Variants in NLRP9 observed in about 807,000 individuals in gnomAD.
NLRP9 encodes NACHT, LRR and PYD domains-containing protein 9.
NLRP9 carries 88 observed loss-of-function variants against 83.1 expected under a neutral mutation model. That is an observed-to-expected ratio of 1.06 (90% confidence interval 0.89 to 1.26). The LOEUF (loss-of-function observed/expected upper bound fraction) is 1.26, where lower values mean the gene tolerates loss of function less well. NLRP9 is among the 50% of genes most tolerant of loss of function. The probability of loss-of-function intolerance (pLI) is 0.00; values close to 1 mark genes in which losing one functional copy is unlikely to be tolerated. For synonymous variants in NLRP9, 521 were observed against 447.6 expected, an observed-to-expected ratio of 1.16 and a Z score of -2.07; for missense variants, 1,308 against 1,179.3, an observed-to-expected ratio of 1.11 and a Z score of -1.60.
chr19:55,728,780 G>A (rs540898340), intron 3 of NLRP9, among the ~76,000 whole-genome samples: 2 of 152,242 alleles, frequency 1.3e-5, no homozygotes, highest in African/African-American at 4.8e-5. Flanking sequence ...CAAGTCTTCC[G>A]TGATGACATG....
intron 3 of NLRP9, among the ~76,000 whole-genome samples, chr19:55,725,847 T>A (rs2122315514): frequency 6.6e-6 from 1 of 152,002 alleles, no homozygotes; most frequent in African/African-American, 2.4e-5. Context: ...GGCAACATGA[T>A]GAAACCCCAT....
chr19:55,730,098 C>T (rs567390642), intron 2 of NLRP9, 106 bp from the exon 3 acceptor site: 116 of 1,021,756 alleles, frequency 1.1e-4, no homozygotes, highest in Middle Eastern at 1.1e-3. Context: ...CTGACAGACA[C>T]CCAGGCCTGA....
rs1449314830 is a variant in NLRP9, at chr19:55,708,992, C to G, written c.2896G>C (p.Glu966Gln). ...EETQKILMSVEEKIPHLTISH... is the reference protein window; with the variant it reads ...EETQKILMSVQEKIPHLTISH... The stretch of plus-strand genomic sequence containing the variant: ...ATGGTCAGATGGGGAATTTTTTCTT[C>G]CACAGACATCAGGATCTTCTGAGTT... The change falls in exon 9 of 9, where the codon GAA becomes CAA. Residue 966 changes from glutamate (E) to glutamine (Q), a missense_variant. Transcript: ENST00000332836. The G allele has an allele frequency of 6.3e-7, 1 of 1,594,582 alleles. No individual in the cohort carries two copies. Among genetic ancestry groups the G allele is most frequent in the Non-Finnish European group, 8.5e-7 (1 of 1,172,676 alleles).
At chr19:55,727,121 G>T (rs2122317999) in intron 3 of NLRP9, among the ~76,000 whole-genome samples, 1 of 152,218 alleles carries the variant, frequency 6.6e-6, no homozygotes, top group South Asian at 2.1e-4. Context: ...GTGTGGTGGG[G>T]GGCACCTGTA....
chr19:55,718,088 G>A (rs893426030), intron 4 of NLRP9, among the ~76,000 whole-genome samples: 1 of 152,216 alleles, frequency 6.6e-6, no homozygotes, highest in African/African-American at 2.4e-5. Context: ...TTAGGGCTGT[G>A]CAGCATGTGC....
Position 55,733,141 on chromosome 19 carries a change from A to G in NLRP9, c.690T>C (p.Phe230=). The G allele has an allele frequency of 1.2e-6, 2 of 1,614,190 alleles. No individual in the cohort carries two copies. Among genetic ancestry groups the G allele is most frequent in the Non-Finnish European group, 1.7e-6 (2 of 1,180,016 alleles). ...GTTGTAAGTTAAACTTCAGTTGCTC[A>G]AAGCCATCCATGATGAACAGAATTC... ...PERILFIMDG[F]EQLKFNLQLK... is the part of the protein sequence containing the mutation. The change falls in exon 2 of 9, where the codon TTT becomes TTC. Residue 230 remains phenylalanine, a synonymous_variant. Coordinates refer to ENST00000332836, the MANE Select transcript of NLRP9 (RefSeq NM_176820.4).
At chr19:55,718,481 G>C (rs1189848286) in intron 4 of NLRP9, among the ~76,000 whole-genome samples, 2 of 152,228 alleles carry the variant, frequency 1.3e-5, no homozygotes. Flanking sequence ...CCTGTGGCTG[G>C]AGGCGAGATA....
intron 2 of NLRP9, among the ~76,000 whole-genome samples, chr19:55,730,905 C>T (rs1259749617): frequency 6.6e-6 from 1 of 151,978 alleles, no homozygotes; most frequent in East Asian, 1.9e-4. Flanking sequence ...GCACATGTAT[C>T]CCTGAACTTA....
intron 6 of NLRP9, 102 bp downstream of exon 6, chr19:55,714,953 A>T (rs1489491469): frequency 8.9e-6 from 10 of 1,128,718 alleles, no homozygotes; most frequent in African/African-American, 1.6e-5. Flanking sequence ...GGGAGGACAT[A>T]TACATTCAGA....
chr19:55,722,486 C>A (rs141631551), intron 4 of NLRP9, among the ~76,000 whole-genome samples: 1 of 152,104 alleles, frequency 6.6e-6, no homozygotes, highest in African/African-American at 2.4e-5. Context: ...TGGGTCTAGA[C>A]GCATAAAATT....
intron 6 of NLRP9, among the ~76,000 whole-genome samples, chr19:55,713,324 G>A (rs1568593106): frequency 6.6e-6 from 1 of 151,758 alleles, no homozygotes; most frequent in Non-Finnish European, 1.5e-5. Flanking sequence ...ATAGAGGACA[G>A]AGGATAGGGG....
At chr19:55,723,378 T>G (rs1262579866) in intron 4 of NLRP9, among the ~76,000 whole-genome samples, 3 of 151,984 alleles carry the variant, frequency 2.0e-5, no homozygotes, top group Non-Finnish European at 4.4e-5. Context: ...GTTGTTCTTG[T>G]TTTGGCCTGG....
At chr19:55,711,579 G>C (rs781037079) in intron 8 of NLRP9, 1 of 951,206 alleles carries the variant, frequency 1.1e-6, no homozygotes, top group Admixed American at 2.1e-5. Context: ...ACAACTGAGG[G>C]AAGTGCTACT....
intron 5 of NLRP9, among the ~76,000 whole-genome samples, chr19:55,715,521 C>T (rs752797543): frequency 5.1e-4 from 77 of 152,018 alleles, no homozygotes; most frequent in Non-Finnish European, 8.8e-4. Context: ...CCTGTCTCTA[C>T]TAAAAATACA....
rs10711721 is a variant in NLRP9, at chr19:55,723,727, CAA to C, written c.2159+251_2159+252del. Among the ~76,000 whole-genome samples the C allele has an allele frequency of 3.6e-3, 286 of 79,804 alleles. 1 individual carries two copies. The highest frequency in any genetic ancestry group is 4.7e-3 in the Non-Finnish European group (185 of 39,378). 52.4% of individuals were successfully genotyped at this position (79,804 alleles called of 152,430 possible). A position where few individuals can be genotyped will look rare whatever the true frequency, so the allele number is the denominator to read the frequency against. On this transcript the variant is annotated intron_variant, in intron 4 of 8. Coordinates refer to ENST00000332836, the MANE Select transcript of NLRP9 (RefSeq NM_176820.4). ...TGGGCAACAGAGTGAGACCCTGTCT[CAA>C]AAAAAAAAAAAAAAAAAAAAGAAGT...
intron 8 of NLRP9, chr19:55,711,504 T>A: frequency 7.4e-7 from 1 of 1,354,344 alleles, no homozygotes; most frequent in South Asian, 1.2e-5. Flanking sequence ...GAGCAGTGGT[T>A]CTCACCTGGT....
chr19:55,727,714 T>C (rs1372561162), intron 3 of NLRP9, among the ~76,000 whole-genome samples: 1 of 152,196 alleles, frequency 6.6e-6, no homozygotes, highest in Non-Finnish European at 1.5e-5. Context: ...ATTCATTCTA[T>C]GGATGTTTAG....
intron 6 of NLRP9, 54 bp from the exon 7 acceptor site, chr19:55,712,644 G>A (rs1600124676): frequency 1.4e-6 from 2 of 1,473,668 alleles, no homozygotes; most frequent in Non-Finnish European, 1.9e-6. Context: ...AATCATAACA[G>A]CCCACCTTAT....
chr19:55,720,221 GA>G (rs1166407120), intron 4 of NLRP9, among the ~76,000 whole-genome samples: 3 of 152,078 alleles, frequency 2.0e-5, no homozygotes, highest in Non-Finnish European at 4.4e-5. Flanking sequence ...ATACTACATA[GA>G]AACACTTACT....
Sources: allele counts gnomAD v4.1 joint callset (sites outside exome capture counted in the v4.1 genomes callset), GRCh38; gene constraint gnomAD v4.1.1; transcripts MANE v1.5; gene names NCBI Gene and HGNC (gene_info 2026-07-23, HGNC 2026-07-21).